MGA: variants seen among roughly 807,000 people sequenced by gnomAD.
MGA encodes the protein MAX dimerization protein MGA.
In MGA, 40 loss-of-function variants were observed where a neutral mutation model predicts 261.1. The observed-to-expected ratio is 0.15, with a 90% CI of 0.12 to 0.20. The LOEUF (loss-of-function observed/expected upper bound fraction) is 0.20. MGA is among the 10% of genes least tolerant of loss of function. The pLI is 1.00. For synonymous variants in MGA, 1,302 were observed against 1,290.6 expected (o/e 1.01, Z -0.19); for missense variants, 3,397 against 3,630.5 (o/e 0.94, Z 1.65).
intron 1 of MGA, among the ~76,000 whole-genome samples, chr15:41,633,074 C>T (rs977719548): frequency 6.6e-6 from 1 of 151,784 alleles, no homozygotes; most frequent in East Asian, 1.9e-4. Context: ...GCCTCAGCCT[C>T]CCGAGTAGCT....
intron 9 of MGA, among the ~76,000 whole-genome samples, chr15:41,714,036 T>C (rs1329166791): frequency 6.6e-6 from 1 of 152,188 alleles, no homozygotes; most frequent in African/African-American, 2.4e-5. Context: ...AAGTTACATA[T>C]TATTTCATTA....
At chr15:41,731,939 T>C (rs1297516634) in intron 11 of MGA, among the ~76,000 whole-genome samples, 1 of 152,196 alleles carries the variant, frequency 6.6e-6, no homozygotes, top group African/African-American at 2.4e-5. Flanking sequence ...TGTCAGGTAG[T>C]GTGCCAGTGT....
At chr15:41,657,846 G>A (rs2057238643), upstream of MGA, among the ~76,000 whole-genome samples, 1 of 152,068 alleles carries the variant, frequency 6.6e-6, no homozygotes. Flanking sequence ...AGTTGACAGA[G>A]GATGTTTTAG....
At chr15:41,636,379 GC>G (rs1357685638) in intron 1 of MGA, among the ~76,000 whole-genome samples, 3 of 149,676 alleles carry the variant, frequency 2.0e-5, no homozygotes, top group Non-Finnish European at 3.0e-5. Context: ...TGCAACCCCC[GC>G]CCCCCAGGTT....
intron 1 of MGA, among the ~76,000 whole-genome samples, chr15:41,645,063 G>A (rs139853962): frequency 7.0e-4 from 106 of 152,276 alleles, no homozygotes; most frequent in Non-Finnish European, 1.4e-3. Context: ...GAGAAGAATG[G>A]AATTCTTTTT....
chr15:41,658,494 G>C (rs2057255171), upstream of MGA, among the ~76,000 whole-genome samples: 1 of 152,116 alleles, frequency 6.6e-6, no homozygotes, highest in South Asian at 2.1e-4. Context: ...GTACCTGCAT[G>C]ATGGTAAATC....
rs183869384 is a variant in MGA at position 41,682,042 on chromosome 15, G to A, written c.1064+12084G>A. 6.0e-3 allele frequency among the ~76,000 whole-genome samples: 916 copies of A among 151,608 alleles called. 5 individuals carry two copies. Among genetic ancestry groups the A allele is most frequent in the Non-Finnish European group, 9.5e-3 (644 of 67,842 alleles). ...AAGCGATTCTCTTGCCTCAGCCTCC[G>A]GAGTAGCTGGGATTACAGGCATGTG... On this transcript the variant is annotated intron_variant, in intron 2 of 23. Coordinates refer to ENST00000219905, the MANE Select transcript of MGA (RefSeq NM_001164273.2).
chr15:41,704,976 A>T (rs1410898576), intron 5 of MGA, among the ~76,000 whole-genome samples: 1 of 152,226 alleles, frequency 6.6e-6, no homozygotes, highest in Non-Finnish European at 1.5e-5. Flanking sequence ...CGATTTAGAA[A>T]TATAGTTTAA....
chr15:41,651,688 C>CAT (rs2057054841), intron 1 of MGA, among the ~76,000 whole-genome samples: 2 of 12,682 alleles, frequency 1.6e-4, no homozygotes, highest in Non-Finnish European at 2.4e-4. Context: ...CCCCTTTCCC[C>CAT]TCTCTTACCC....
rs764551462 is a variant in MGA, at chr15:41,749,636, A to G, written c.6029A>G (p.Gln2010Arg). Residue 2010 changes from glutamine (Q) to arginine (R), a missense_variant, in exon 17 of 24, where the codon CAA becomes CGA. Transcript: ENST00000219905. Reference sequence around the variant, plus strand: ...GACCCTGAGGCTAATGTAATAAAACAAAACTCAGGAGCTGCTACCTCAGAA... The same window carrying G: ...GACCCTGAGGCTAATGTAATAAAACGAAACTCAGGAGCTGCTACCTCAGAA... The G allele has an allele frequency of 1.2e-5, 19 of 1,613,990 alleles. No individual in the cohort carries two copies. Among genetic ancestry groups the G allele is most frequent in the Non-Finnish European group, 1.6e-5 (19 of 1,179,884 alleles).
Position 41,679,896 on chromosome 15 carries a change from A to T in MGA, c.1064+9938A>T, listed in dbSNP as rs576606547. ...TGCTCTAAATAGGACTTTCAGTAGT[A>T]GGTGGCAAATAGTGGCAAAAGTGGG... is the stretch of plus-strand genomic sequence containing the variant. On this transcript the variant is annotated intron_variant, in intron 2 of 23. Transcript: ENST00000219905. Among the ~76,000 whole-genome samples the T allele has an allele frequency of 2.0e-5, 3 of 152,250 alleles. No homozygotes were observed. The East Asian group carries it at 5.8e-4, about 29-fold the overall frequency.
chr15:41,715,048 TC>T (rs2060556619), intron 9 of MGA, among the ~76,000 whole-genome samples: 1 of 151,986 alleles, frequency 6.6e-6, no homozygotes, highest in Non-Finnish European at 1.5e-5. Context: ...TTCGTTTTGT[TC>T]AAGGTTCCCT....
In MGA at chr15:41,684,350, T is replaced by A. The variant is rs1176983305; in HGVS notation, c.1065-11725T>A. On this transcript the variant is annotated intron_variant, in intron 2 of 23. Transcript: ENST00000219905. ...GATTACATAATGCCAACAAAAAAAA[T>A]CCTTTTAATTAACTGTTGTTTGTAA... 6.7e-6 allele frequency: 3 copies of A among 447,440 alleles called. No homozygotes were observed. The East Asian group carries it at 2.1e-4, about 31-fold the overall frequency. 27.7% of individuals were successfully genotyped at this position (447,440 alleles called of 1,614,324 possible). A position where few individuals can be genotyped will look rare whatever the true frequency, so the allele number is the denominator to read the frequency against.
At chr15:41,684,478 C>CAAGA (rs1457670952) in intron 2 of MGA, 5 of 416,872 alleles carry the variant, frequency 1.2e-5, no homozygotes, top group African/African-American at 4.2e-5. Flanking sequence ...TTCCCCAAGG[C>CAAGA]AAGATTTCAT....
intron 2 of MGA, among the ~76,000 whole-genome samples, chr15:41,679,741 C>T (rs1028632133): frequency 2.0e-5 from 3 of 151,232 alleles, no homozygotes; most frequent in African/African-American, 7.3e-5. Flanking sequence ...GGACTGAGTG[C>T]GTTTTTTTTG....
At chr15:41,628,530 A>G (rs965875507) in intron 1 of MGA, among the ~76,000 whole-genome samples, 2 of 152,086 alleles carry the variant, frequency 1.3e-5, no homozygotes, top group Non-Finnish European at 1.5e-5. Flanking sequence ...GACACACCCA[A>G]ACGTGGAGAA....
chr15:41,680,517 G>T (rs1169488703), intron 2 of MGA, among the ~76,000 whole-genome samples: 3 of 152,166 alleles, frequency 2.0e-5, no homozygotes, highest in Admixed American at 6.5e-5. Context: ...TAGGCCACCT[G>T]TACTTTTCAC....
At chr15:41,732,601 G>A in intron 11 of MGA, among the ~76,000 whole-genome samples, 1 of 152,220 alleles carries the variant, frequency 6.6e-6, no homozygotes, top group Non-Finnish European at 1.5e-5. Context: ...TGTGAGGTGG[G>A]AGGTATTTTA....
intron 22 of MGA, 98 bp downstream of exon 22, chr15:41,762,460 G>GGT: frequency 5.3e-6 from 1 of 190,348 alleles, no homozygotes; most frequent in African/African-American, 4.2e-5. Flanking sequence ...AGTTTTGTGT[G>GGT]GTTTTTTTTT....
Sources: gnomAD v4.1 joint callset for allele counts (sites outside exome capture counted in the v4.1 genomes callset) on GRCh38, gnomAD v4.1.1 for gene constraint, MANE v1.5 for transcripts, NCBI Gene and HGNC (gene_info 2026-07-23, HGNC 2026-07-21) for gene names.